The following NFIB variants were observed in gnomAD, a reference collection of about 807,000 sequenced individuals.
The protein encoded by NFIB is nuclear factor I B.
NFIB carries 11 observed loss-of-function variants against 61.5 expected under a neutral mutation model. The ratio of observed to expected loss-of-function variants is 0.18; its 90% CI spans 0.11 to 0.30. The LOEUF (loss-of-function observed/expected upper bound fraction) is 0.30. Among genes scored for constraint, NFIB ranks in the 10% least tolerant of loss-of-function variants. The pLI, the probability that NFIB is intolerant of heterozygous loss-of-function variation, is 1.00. For missense variants in NFIB, 471 were observed against 608.9 expected (o/e 0.77, Z 2.38); for synonymous variants, 260 against 216.5 (o/e 1.20, Z -1.76).
intron 1 of NFIB, among the ~76,000 whole-genome samples, chr9:14,343,266 T>C (rs768831135): frequency 6.6e-6 from 1 of 152,200 alleles, no homozygotes; most frequent in Non-Finnish European, 1.5e-5. Flanking sequence ...TGAAGGGGAA[T>C]TGAAGACCTC....
chr9:14,210,122 T>C (rs1261101556), intron 2 of NFIB, among the ~76,000 whole-genome samples: 2 of 152,206 alleles, frequency 1.3e-5, no homozygotes, highest in African/African-American at 2.4e-5. Flanking sequence ...TCCCCAAAGC[T>C]TTACAATGCC....
chr9:14,267,844 T>A (rs1369594991), intron 2 of NFIB, among the ~76,000 whole-genome samples: 1 of 152,116 alleles, frequency 6.6e-6, no homozygotes, highest in East Asian at 1.9e-4. Flanking sequence ...AGGTTCTAAA[T>A]ATTCAGGGCT....
chr9:14,523,603 T>C, the NFIB span, among the ~76,000 whole-genome samples: 4 of 152,284 alleles, frequency 2.6e-5, no homozygotes, highest in African/African-American at 7.2e-5. Flanking sequence ...ATGAAACTTA[T>C]TTCGTCAAAA....
chr9:14,083,232 G>A lies in NFIB; in HGVS notation c.*5077C>T, dbSNP rs2032307086. On this transcript the variant is annotated 3_prime_UTR_variant, in exon 11 of 11. Transcript: ENST00000380953. The stretch of plus-strand genomic sequence containing the variant: ...ATCTGTGGCACGGACACAGTACAAA[G>A]AGTTGTCATGGCAATGAGTTTGGCT... 4.5e-6 allele frequency: 1 copy of A among 224,486 alleles called. No individual in the cohort carries two copies. Among genetic ancestry groups the A allele is most frequent in the African/African-American group, 2.2e-5 (1 of 44,750 alleles). 13.9% of individuals were successfully genotyped at this position (224,486 alleles called of 1,614,324 possible).
chr9:14,146,250 C>A (rs1361025244), intron 6 of NFIB, among the ~76,000 whole-genome samples: 1 of 152,074 alleles, frequency 6.6e-6, no homozygotes, highest in Non-Finnish European at 1.5e-5. Context: ...TATGGTCTAC[C>A]TACTTCCAAA....
intron 3 of NFIB, among the ~76,000 whole-genome samples, chr9:14,176,719 T>C (rs1231696311): frequency 6.6e-6 from 1 of 152,094 alleles, no homozygotes; most frequent in Admixed American, 6.5e-5. Flanking sequence ...AGCTTTAGGG[T>C]CACCCTTCAG....
intron 2 of NFIB, among the ~76,000 whole-genome samples, chr9:14,206,480 C>G (rs2049733767): frequency 6.6e-6 from 1 of 151,930 alleles, no homozygotes; most frequent in Admixed American, 6.6e-5. Flanking sequence ...TACTAACACT[C>G]TTAAAACTTG....
At chr9:14,428,211 G>T in the NFIB span, among the ~76,000 whole-genome samples, 3 of 152,032 alleles carry the variant, frequency 2.0e-5, no homozygotes, top group Non-Finnish European at 2.9e-5. Flanking sequence ...CTCCCAAAGT[G>T]CTGGGATTAC....
intron 6 of NFIB, among the ~76,000 whole-genome samples, chr9:14,129,229 C>G (rs1012818327): frequency 6.6e-6 from 1 of 151,986 alleles, no homozygotes; most frequent in Non-Finnish European, 1.5e-5. Context: ...GCTTTAGAGA[C>G]AGGTGAAGAA....
chr9:14,191,455 T>G (rs2047939110), intron 2 of NFIB, among the ~76,000 whole-genome samples: 2 of 152,206 alleles, frequency 1.3e-5, no homozygotes, highest in South Asian at 4.1e-4. Flanking sequence ...AAATAAATGA[T>G]GACGGGCATG....
the NFIB span, among the ~76,000 whole-genome samples, chr9:14,432,400 C>G: frequency 1.3e-5 from 2 of 152,236 alleles, no homozygotes. Flanking sequence ...TACACCCATT[C>G]CTGGGTACAT....
rs2032561041 is a variant in NFIB at position 14,084,661 on chromosome 9, T to C, written c.*3648A>G. 1 of 230,306 alleles carries C rather than the reference T, an allele frequency of 4.3e-6. No individual in the cohort carries two copies. The highest frequency in any genetic ancestry group is 8.6e-6 in the Non-Finnish European group (1 of 116,134). The allele number at this position is 230,306 out of a possible 1,614,324, so 14.3% of individuals were successfully genotyped here. ...GATGGTTGGAGACACCACTCCCTACTCATGCCCTTGGGTGACCTTCGCCAT... is the reference window on the plus strand; with the variant it reads ...GATGGTTGGAGACACCACTCCCTACCCATGCCCTTGGGTGACCTTCGCCAT... On this transcript the variant is annotated 3_prime_UTR_variant, in exon 11 of 11. Transcript: ENST00000380953.
chr9:14,176,209 C>T (rs1262472600), intron 3 of NFIB, among the ~76,000 whole-genome samples: 3 of 143,874 alleles, frequency 2.1e-5, no homozygotes, highest in Non-Finnish European at 4.5e-5. Context: ...TTGCTATAAC[C>T]AAGAGAGGAC....
intron 1 of NFIB, among the ~76,000 whole-genome samples, chr9:14,384,511 C>G (rs1446645800): frequency 6.6e-6 from 1 of 152,186 alleles, no homozygotes; most frequent in Non-Finnish European, 1.5e-5. Context: ...CCTTTCCAAA[C>G]CTGATCCTTG....
intron 2 of NFIB, among the ~76,000 whole-genome samples, chr9:14,234,453 T>C (rs1001105658): frequency 1.3e-5 from 2 of 151,656 alleles, no homozygotes; most frequent in Admixed American, 6.6e-5. Context: ...CACTGCAACC[T>C]CCACCTTCCG....
the NFIB span, among the ~76,000 whole-genome samples, chr9:14,506,377 A>C: frequency 6.6e-6 from 1 of 152,150 alleles, no homozygotes; most frequent in Non-Finnish European, 1.5e-5. Context: ...GATTTGCCAA[A>C]GCTTGAACTT....
At chr9:14,457,013 T>C in the NFIB span, among the ~76,000 whole-genome samples, 4 of 152,182 alleles carry the variant, frequency 2.6e-5, no homozygotes, top group Admixed American at 2.6e-4. Flanking sequence ...TAACAATGAA[T>C]GAGACAATTC....
chr9:14,120,750 C>T lies in NFIB; in HGVS notation c.1061-126G>A, dbSNP rs1198081420. The T allele has an allele frequency of 1.1e-6, 1 of 913,152 alleles. No individual in the cohort carries two copies. The highest frequency in any genetic ancestry group is 1.7e-5 in the African/African-American group (1 of 58,504). The allele number at this position is 913,152 out of a possible 1,614,324, so 56.6% of individuals were successfully genotyped here. ...TTCATTTTTGTCCCCATGATTTAAC[C>T]AAGCTCTCCTAAATCAACAGTTACT... On this transcript the variant is annotated intron_variant, in intron 7 of 10. Transcript: ENST00000380953. The surrounding 1 kb of genome is among the most constrained non-coding windows in gnomAD (Gnocchi z 4.4).
At chr9:14,523,868 A>G in the NFIB span, among the ~76,000 whole-genome samples, 1 of 152,170 alleles carries the variant, frequency 6.6e-6, no homozygotes, top group Admixed American at 6.5e-5. Flanking sequence ...TGCTTTTGCT[A>G]TGGGCCTTCT....
Sources: allele counts gnomAD v4.1 joint callset (sites outside exome capture counted in the v4.1 genomes callset), GRCh38; gene constraint gnomAD v4.1.1; non-coding constraint Gnocchi (gnomAD v3.1); transcripts MANE v1.5; gene names NCBI Gene and HGNC (gene_info 2026-07-23, HGNC 2026-07-21).